Variants in MDGA2 observed in about 807,000 individuals in gnomAD.
MDGA2 encodes the protein MAM domain-containing glycosylphosphatidylinositol anchor protein 2.
In MDGA2, 40 loss-of-function variants were observed where a neutral mutation model predicts 117.8. The observed-to-expected ratio is 0.34, with a 90% CI of 0.26 to 0.44. The LOEUF (loss-of-function observed/expected upper bound fraction) is 0.44, where lower values mean the gene tolerates loss of function less well. Among genes scored for constraint, MDGA2 ranks in the 20% least tolerant of loss-of-function variants. MDGA2 has a pLI of 1.00. For missense variants in MDGA2, 1,123 were observed against 1,250.6 expected, an observed-to-expected ratio of 0.90 and a Z score of 1.54; for synonymous variants, 452 against 439.0, an observed-to-expected ratio of 1.03 and a Z score of -0.37.
intron 1 of MDGA2, among the ~76,000 whole-genome samples, chr14:47,499,318 C>T (rs1240562058): frequency 6.6e-6 from 1 of 151,992 alleles, no homozygotes; most frequent in Non-Finnish European, 1.5e-5. Context: ...TAAAGGTGAG[C>T]TTTATCCTTT....
In MDGA2 at chr14:47,035,226, T is replaced by G; in HGVS notation, c.1604A>C (p.Gln535Pro). 6.2e-7 allele frequency: 1 copy of G among 1,614,166 alleles called. No individual in the cohort carries two copies. Among genetic ancestry groups the G allele is most frequent in the Non-Finnish European group, 8.5e-7 (1 of 1,180,016 alleles). The change falls in exon 8 of 17, where the codon CAA (glutamine) becomes CCA (proline). Residue 535 changes from glutamine (Q) to proline (P), a missense_variant. This residue lies in a region of MDGA2 where 890 missense variants were observed against 1,050.3 expected (regional missense o/e 0.85). Transcript: ENST00000399232. ...GATTGGTTTAGGTTTGCCAGTTACT[T>G]GACATTGCAGTTCTATTGTGTCTCC... ...REGDTIELQC[Q>P]VTGKPKPIIL...
intron 3 of MDGA2, among the ~76,000 whole-genome samples, chr14:47,193,662 T>C (rs1885190435): frequency 6.6e-6 from 1 of 152,158 alleles, no homozygotes; most frequent in African/African-American, 2.4e-5. Context: ...AGCTACTAAT[T>C]AGTGTCTGCA....
chr14:47,636,971 C>CA (rs200086242), intron 1 of MDGA2, among the ~76,000 whole-genome samples: 185 of 118,864 alleles, frequency 1.6e-3, no homozygotes, highest in Non-Finnish European at 2.2e-3. Context: ...GACTCTGTCT[C>CA]AAAAAAAAAA....
At chr14:47,163,421 G>T (rs1566658555) in intron 3 of MDGA2, among the ~76,000 whole-genome samples, 1 of 152,202 alleles carries the variant, frequency 6.6e-6, no homozygotes, top group African/African-American at 2.4e-5. Flanking sequence ...GGGTTGTGGG[G>T]GTGGGGGGTC....
At chr14:47,457,945 T>C (rs57954688) in intron 1 of MDGA2, among the ~76,000 whole-genome samples, 1 of 151,892 alleles carries the variant, frequency 6.6e-6, no homozygotes, top group African/African-American at 2.4e-5. Flanking sequence ...GTTAAGAGGA[T>C]AGTGCTCATT....
chr14:47,154,378 C>T (rs1459923028), intron 3 of MDGA2, among the ~76,000 whole-genome samples: 1 of 152,172 alleles, frequency 6.6e-6, no homozygotes, highest in Middle Eastern at 3.2e-3. Context: ...ATGGAAACTG[C>T]GGGAGCCGGG....
At chr14:47,320,031 A>G (rs117196499) in intron 1 of MDGA2, among the ~76,000 whole-genome samples, 2,269 of 152,290 alleles carry the variant, frequency 0.015, 31 homozygotes, top group Non-Finnish European at 0.024. Flanking sequence ...GATGCGTTGC[A>G]TCTCCAAGGA....
intron 1 of MDGA2, among the ~76,000 whole-genome samples, chr14:47,631,390 C>T (rs1195155930): frequency 1.3e-5 from 2 of 152,152 alleles, no homozygotes; most frequent in African/African-American, 4.8e-5. Context: ...CAGGAACCTC[C>T]CTAAATACAT....
chr14:47,205,116 G>C (rs1566679811), intron 3 of MDGA2, among the ~76,000 whole-genome samples: 1 of 151,820 alleles, frequency 6.6e-6, no homozygotes, highest in African/African-American at 2.4e-5. Context: ...ATGTGTGTTT[G>C]TGTGTATATA....
intron 8 of MDGA2, among the ~76,000 whole-genome samples, chr14:47,007,515 G>A (rs11622659): frequency 0.048 from 7,331 of 151,692 alleles, 235 homozygotes; most frequent in Middle Eastern, 0.078. Flanking sequence ...AAATTTTACC[G>A]TATCTCCTTA....
At chr14:47,047,365 A>C (rs180793171) in intron 7 of MDGA2, among the ~76,000 whole-genome samples, 1 of 152,274 alleles carries the variant, frequency 6.6e-6, no homozygotes, top group Non-Finnish European at 1.5e-5. Flanking sequence ...GATGAAAATA[A>C]GAATTTAATG....
chr14:47,673,637 T>A (rs1288311453), intron 1 of MDGA2, among the ~76,000 whole-genome samples: 1 of 34,518 alleles, frequency 2.9e-5, no homozygotes, highest in African/African-American at 1.0e-4. Context: ...CCTGGATGTG[T>A]GTGTGTGTGT....
intron 1 of MDGA2, among the ~76,000 whole-genome samples, chr14:47,349,567 A>G (rs1890833675): frequency 6.6e-6 from 1 of 152,190 alleles, no homozygotes; most frequent in Non-Finnish European, 1.5e-5. Flanking sequence ...TAATAAACTT[A>G]TCTTTCTTTG....
At chr14:46,924,349 G>T (rs1884246152) in intron 9 of MDGA2, among the ~76,000 whole-genome samples, 1 of 151,800 alleles carries the variant, frequency 6.6e-6, no homozygotes, top group South Asian at 2.1e-4. Flanking sequence ...TTCCCACTAT[G>T]AACACTTAAA....
In MDGA2 at chr14:47,607,950, A is replaced by AT. The variant is rs11332680; in HGVS notation, c.280+66566dup. ...TAATACTTTGAATTGCATCACAGCCATTTTTTTTTCTGATAAACTTACATT... is the reference window on the plus strand; with the variant it reads ...TAATACTTTGAATTGCATCACAGCCATTTTTTTTTTCTGATAAACTTACATT... On this transcript the variant is annotated intron_variant, in intron 1 of 16. Transcript: ENST00000399232. 5.6e-3 allele frequency among the ~76,000 whole-genome samples: 853 copies of AT among 151,156 alleles called. 11 individuals carry two copies. The highest frequency in any genetic ancestry group is 0.019 in the African/African-American group (763 of 41,218).
chr14:47,160,437 T>G (rs1883586201), intron 3 of MDGA2, among the ~76,000 whole-genome samples: 1 of 152,206 alleles, frequency 6.6e-6, no homozygotes, highest in African/African-American at 2.4e-5. Context: ...CTCATGCCTA[T>G]AATCCCAGCA....
At chr14:47,120,836 T>G (rs531383460) in intron 5 of MDGA2, among the ~76,000 whole-genome samples, 1 of 152,262 alleles carries the variant, frequency 6.6e-6, no homozygotes, top group East Asian at 1.9e-4. Context: ...AACTACCACA[T>G]AGAGTCATTT....
intron 14 of MDGA2, among the ~76,000 whole-genome samples, chr14:46,857,847 G>A (rs1881332233): frequency 6.6e-6 from 1 of 151,662 alleles, no homozygotes; most frequent in Admixed American, 6.6e-5. Context: ...TTATGAATGG[G>A]GTCTCTCCAT....
At chr14:47,068,517 T>A (rs1036758754) in intron 6 of MDGA2, among the ~76,000 whole-genome samples, 4 of 151,770 alleles carry the variant, frequency 2.6e-5, no homozygotes, top group African/African-American at 9.7e-5. Context: ...GTATCTGAAT[T>A]AGCATGATAC....
Sources: gnomAD v4.1 joint callset for allele counts (sites outside exome capture counted in the v4.1 genomes callset) on GRCh38, gnomAD v4.1.1 for gene constraint, gnomAD v4.1.1 regional missense constraint, MANE v1.5 for transcripts, NCBI Gene and HGNC (gene_info 2026-07-23, HGNC 2026-07-21) for gene names.